Variants in DNAH10 observed in about 807,000 individuals in gnomAD.
DNAH10 encodes the protein dynein axonemal heavy chain 10.
In DNAH10, 348 loss-of-function variants were observed where a neutral mutation model predicts 506.6. The observed-to-expected ratio is 0.69, with a 90% CI of 0.63 to 0.75. The LOEUF (loss-of-function observed/expected upper bound fraction) is 0.75, where lower values mean the gene tolerates loss of function less well. DNAH10 is among the 30% of genes least tolerant of loss of function. The probability of loss-of-function intolerance (pLI) is 0.00; values close to 1 mark genes in which losing one functional copy is unlikely to be tolerated. For synonymous variants in DNAH10, 2,059 were observed against 2,198.6 expected (o/e 0.94, Z 1.78); for missense variants, 5,179 against 5,787.1 (o/e 0.89, Z 3.41).
At position 123,853,965 on chromosome 12, in the gene DNAH10, A is replaced by G. The variant is rs575453628; in HGVS notation, c.6438+613A>G. Among the ~76,000 whole-genome samples the G allele has an allele frequency of 2.1e-5, 3 of 143,450 alleles. No homozygotes were observed. The highest frequency in any genetic ancestry group is 6.9e-5 in the Admixed American group (1 of 14,568). 94.1% of individuals were successfully genotyped at this position (143,450 alleles called of 152,430 possible). A position where few individuals can be genotyped will look rare whatever the true frequency, so the allele number is the denominator to read the frequency against. ...GCACACACACACACATTTGGGTAGT[A>G]AAAAAAAAACAGCCGTGAGTGCAGT... On this transcript the variant is annotated intron_variant, in intron 36 of 78. Transcript: ENST00000673944. The surrounding 1 kb of genome is among the most constrained non-coding windows in gnomAD (Gnocchi z 4.7).
At position 123,865,988 on chromosome 12, in the gene DNAH10, C is replaced by T. The variant is rs768202276; in HGVS notation, c.7082C>T (p.Ser2361Phe). 2 of 1,609,770 alleles carry T rather than the reference C, an allele frequency of 1.2e-6. No individual in the cohort carries two copies. Among genetic ancestry groups the T allele is most frequent in the South Asian group, 2.2e-5 (2 of 90,208 alleles). The change falls in exon 41 of 79, where the codon TCT becomes TTT. Residue 2361 changes from serine to phenylalanine, a missense_variant. Ser to Phe is a radical substitution (Grantham distance 155). Coordinates refer to ENST00000673944, the MANE Select transcript of DNAH10 (RefSeq NM_001372106.1). ...CAGTATGCCTCCCCTGCAACTGTCT[C>T]TCGATGTGGAATGGTTTATGTGGAT... Reference protein sequence around the residue: ...DLQYASPATVSRCGMVYVDPK... With the variant: ...DLQYASPATVFRCGMVYVDPK...
chr12:123,797,759 T>C (rs1187646561), intron 13 of DNAH10, among the ~76,000 whole-genome samples: 3 of 152,260 alleles, frequency 2.0e-5, no homozygotes, highest in Non-Finnish European at 4.4e-5. Context: ...TCATGTGGGC[T>C]TCTTCCTGTA....
At chr12:123,791,776 G>A (rs1594036358) in intron 11 of DNAH10, among the ~76,000 whole-genome samples, 1 of 151,954 alleles carries the variant, frequency 6.6e-6, no homozygotes, top group Non-Finnish European at 1.5e-5. Context: ...TCACTCTGTT[G>A]CCCAGGTTGG....
chr12:123,899,934 A>G (rs561688185), intron 56 of DNAH10, among the ~76,000 whole-genome samples: 2 of 152,328 alleles, frequency 1.3e-5, no homozygotes, highest in East Asian at 1.9e-4. Context: ...AATTTGTGGC[A>G]TATCCCTGCT....
At chr12:123,798,293 T>C (rs1050687141) in intron 13 of DNAH10, among the ~76,000 whole-genome samples, 9 of 152,190 alleles carry the variant, frequency 5.9e-5, no homozygotes, top group African/African-American at 1.9e-4. Context: ...CTGCAGGCTG[T>C]ACAGGTAGCA....
rs1239050191 is a variant in DNAH10 at position 123,879,169 on chromosome 12, C to T, written c.8373-95C>T. Reference sequence around the variant, plus strand: ...CTGGAGAAATGTTGGGCCTTTATTGCGCTCTGTGTGTCTGTCTGTCTGAAT... The same window carrying T: ...CTGGAGAAATGTTGGGCCTTTATTGTGCTCTGTGTGTCTGTCTGTCTGAAT... On this transcript the variant is annotated intron_variant, in intron 48 of 78. Transcript: ENST00000673944. 5.5e-5 allele frequency: 51 copies of T among 924,180 alleles called. 1 individual carries two copies. The highest frequency in any genetic ancestry group is 6.8e-5 in the Non-Finnish European group (45 of 660,938). The allele number at this position is 924,180 out of a possible 1,614,324, so 57.2% of individuals were successfully genotyped here.
intron 46 of DNAH10, 51 bp from the exon 47 acceptor site, chr12:123,875,180 C>T (rs1952202723): frequency 6.4e-7 from 1 of 1,552,230 alleles, no homozygotes; most frequent in Non-Finnish European, 8.7e-7. Flanking sequence ...GCCTCTCTGA[C>T]TCCTACTTTG....
intron 28 of DNAH10, 34 bp from the exon 29 acceptor site, chr12:123,838,422 C>T (rs762369426): frequency 1.3e-6 from 2 of 1,581,128 alleles, no homozygotes; most frequent in Admixed American, 3.6e-5. Flanking sequence ...TCCCTGCTCA[C>T]CCTGCTTGAC....
In DNAH10 at chr12:123,856,167, T is replaced by G. The variant is rs911346124; in HGVS notation, c.6439-889T>G. On this transcript the variant is annotated intron_variant, in intron 36 of 78. Coordinates refer to ENST00000673944, the MANE Select transcript of DNAH10 (RefSeq NM_001372106.1). ...AATTTATAAATAATACAAATATAAT[T>G]AATTTATATGAATGATATAAAATAT... Among the ~76,000 whole-genome samples the G allele has an allele frequency of 1.2e-3, 179 of 147,152 alleles. 2 individuals are homozygous for G. Among genetic ancestry groups the G allele is most frequent in the African/African-American group, 4.0e-3 (164 of 40,632 alleles).
At chr12:123,777,553 T>A (rs1391470779) in intron 5 of DNAH10, among the ~76,000 whole-genome samples, 1 of 152,248 alleles carries the variant, frequency 6.6e-6, no homozygotes, top group Non-Finnish European at 1.5e-5. Flanking sequence ...ACTTTCTACC[T>A]GAAGACAACC....
Position 123,813,608 on chromosome 12 carries a change from G to T in DNAH10, c.3589G>T (p.Glu1197Ter). 3 of 1,614,232 alleles carry T rather than the reference G, an allele frequency of 1.9e-6. No individual in the cohort carries two copies. In the South Asian group the frequency reaches 3.3e-5, roughly 18 times the overall value. ...AAAACTTCTCAATGAGTCAGCAAAAGAGGAGCTCTATAATCTCCATGAAGA... is the reference window on the plus strand; with the variant it reads ...AAAACTTCTCAATGAGTCAGCAAAATAGGAGCTCTATAATCTCCATGAAGA... ...LGKLLNESAKEELYNLHEEME... is the reference protein window; with the variant it reads ...LGKLLNESAK Residue 1197 changes from glutamate to a stop codon, truncating the protein, a stop_gained, in exon 20 of 79, where the codon GAG becomes TAG. Transcript: ENST00000673944. LOFTEE classifies it high-confidence loss of function.
intron 35 of DNAH10, among the ~76,000 whole-genome samples, chr12:123,851,420 T>TCC (rs1160473555): frequency 6.6e-6 from 1 of 152,272 alleles, no homozygotes; most frequent in African/African-American, 2.4e-5. Flanking sequence ...GTGTGGCTCT[T>TCC]TGATTTTTGT....
chr12:123,859,116 T>C (rs892048698), intron 37 of DNAH10, 34 bp from the exon 38 acceptor site: 13 of 1,563,330 alleles, frequency 8.3e-6, no homozygotes, highest in Non-Finnish European at 1.0e-5. Flanking sequence ...AAAAAGATAA[T>C]GTTTTAGCCC....
chr12:123,892,695 G>T (rs987480507), intron 52 of DNAH10, among the ~76,000 whole-genome samples: 1 of 152,198 alleles, frequency 6.6e-6, no homozygotes, highest in Non-Finnish European at 1.5e-5. Flanking sequence ...AATTTGAAAC[G>T]GCGTAGATAT....
chr12:123,865,413 A>G (rs930731603), intron 40 of DNAH10, among the ~76,000 whole-genome samples: 8 of 152,148 alleles, frequency 5.3e-5, no homozygotes, highest in African/African-American at 1.9e-4. Context: ...CTAGCTTAGT[A>G]TTAATGCCAT....
rs543014674 is a variant in DNAH10 at position 123,776,362 on chromosome 12, G to A, written c.621+2098G>A. Among the ~76,000 whole-genome samples the A allele has an allele frequency of 1.4e-4, 21 of 152,198 alleles. No homozygotes were observed. In the South Asian group the frequency reaches 2.3e-3, roughly 17 times the overall value. ...GGTCCCAGCACTTTAGGAGGGTGAG[G>A]CGGGAGGATCGCTTGAGGCTAGGAG... is the stretch of plus-strand genomic sequence containing the variant. On this transcript the variant is annotated intron_variant, in intron 5 of 78. Transcript: ENST00000673944.
In DNAH10 at chr12:123,881,149, C is replaced by G. The variant is rs564058643; in HGVS notation, c.8635-476C>G. On this transcript the variant is annotated intron_variant, in intron 50 of 78. Coordinates refer to ENST00000673944, the MANE Select transcript of DNAH10 (RefSeq NM_001372106.1). ...TCTTTATAGCAGCATGATTTGTAAT[C>G]CTTTAGGTATATGCCCAGTAACGGG... 2.0e-5 allele frequency among the ~76,000 whole-genome samples: 3 copies of G among 152,206 alleles called. No homozygotes were observed. In the South Asian group the frequency reaches 6.2e-4, roughly 32 times the overall value.
intron 36 of DNAH10, among the ~76,000 whole-genome samples, chr12:123,856,459 C>T (rs1222206095): frequency 5.3e-5 from 8 of 150,100 alleles, no homozygotes; most frequent in Non-Finnish European, 1.2e-4. Context: ...GCCTCAGCCT[C>T]CCGAGTAGCT....
At chr12:123,927,234 G>A in intron 69 of DNAH10, 1 of 187,888 alleles carries the variant, frequency 5.3e-6, no homozygotes, top group Non-Finnish European at 1.1e-5. Flanking sequence ...ATTTTCTGTA[G>A]AGAAAAATAC....
Sources: gnomAD v4.1 joint callset for allele counts (sites outside exome capture counted in the v4.1 genomes callset) on GRCh38, gnomAD v4.1.1 for gene constraint, Gnocchi (gnomAD v3.1) non-coding constraint, MANE v1.5 for transcripts, NCBI Gene and HGNC (gene_info 2026-07-23, HGNC 2026-07-21) for gene names.